POU6F1: variants seen among roughly 807,000 people sequenced by gnomAD.
POU6F1 encodes the protein POU class 6 homeobox 1, also known as POU domain, class 6, transcription factor 1.
Under a neutral mutation model 28.9 loss-of-function variants are expected in POU6F1, and 9 were observed. That is an observed-to-expected ratio of 0.31 (90% CI 0.19 to 0.54). The LOEUF is 0.54. Among genes scored for constraint, POU6F1 ranks in the 20% least tolerant of loss-of-function variants. The pLI is 0.94. For missense variants in POU6F1, 338 were observed against 426.1 expected (o/e 0.79, Z 1.82); for synonymous variants, 173 against 171.1 (o/e 1.01, Z -0.09).
At chr12:51,201,263 C>T (rs972187561) in intron 3 of POU6F1, among the ~76,000 whole-genome samples, 3 of 152,230 alleles carry the variant, frequency 2.0e-5, no homozygotes, top group African/African-American at 7.2e-5. Flanking sequence ...TAATAAAACC[C>T]AGGTAGTTTA....
At chr12:51,194,033 AT>A (rs1335255078) in intron 8 of POU6F1, among the ~76,000 whole-genome samples, 36 of 147,598 alleles carry the variant, frequency 2.4e-4, no homozygotes, top group Admixed American at 4.0e-4. Context: ...AATAACGGGG[AT>A]TTTTTTTTTT....
chr12:51,195,996 T>G lies in POU6F1; in HGVS notation c.1153A>C (p.Thr385Pro). ...PPPVAVRKPS[T>P]PESPAKSEVQ... ...TCACTCTTAGCAGGGGACTCAGGTGTGCTTGGCTTCCGGACAGCCACAGGT... is the reference window on the plus strand; with the variant it reads ...TCACTCTTAGCAGGGGACTCAGGTGGGCTTGGCTTCCGGACAGCCACAGGT... Residue 385 changes from threonine (T) to proline (P), a missense_variant, in exon 8 of 11, where the codon ACA becomes CCA. Coordinates refer to ENST00000333640, the MANE Select transcript of POU6F1 (RefSeq NM_001330422.2). The G allele has an allele frequency of 7.4e-7, 1 of 1,342,628 alleles. No homozygotes were observed. Among genetic ancestry groups the G allele is most frequent in the Non-Finnish European group, 9.8e-7 (1 of 1,015,876 alleles). The allele number at this position is 1,342,628 out of a possible 1,614,324, so 83.2% of individuals were successfully genotyped here.
At position 51,206,870 on chromosome 12, in the gene POU6F1, A is replaced by C; in HGVS notation, c.-34T>G. The stretch of plus-strand genomic sequence containing the variant: ...GTCAGGGTCGGGTGGGGGCCGGCCC[A>C]CACCTAGCACATCCTGGGTAAGATG... On this transcript the variant is annotated 5_prime_UTR_variant, in exon 2 of 11. Transcript: ENST00000333640. 1 of 398,672 alleles carries C rather than the reference A, an allele frequency of 2.5e-6. No individual in the cohort carries two copies. 24.7% of individuals were successfully genotyped at this position (398,672 alleles called of 1,614,324 possible).
At chr12:51,191,241 G>C (rs895282846) in intron 10 of POU6F1, among the ~76,000 whole-genome samples, 2 of 152,180 alleles carry the variant, frequency 1.3e-5, no homozygotes, top group African/African-American at 4.8e-5. Context: ...AGGTATGGTG[G>C]GTTACAGTTA....
In POU6F1 at chr12:51,217,875, C is replaced by G. The variant is rs1278130751; in HGVS notation, c.-281G>C. 6.6e-6 allele frequency among the ~76,000 whole-genome samples: 1 copy of G among 151,810 alleles called. No individual in the cohort carries two copies. Among genetic ancestry groups the G allele is most frequent in the Admixed American group, 6.6e-5 (1 of 15,252 alleles). ...GGCTGGGCAGAGCCGAAGGGGGCTC[C>G]GCAGGCTAAGCCGGGCGGAGAGGGG... On this transcript the variant is annotated 5_prime_UTR_variant, in exon 1 of 11. Transcript: ENST00000333640. This position sits in a 1 kb window ranked among gnomAD's most constrained non-coding sequence, Gnocchi z 5.3.
At chr12:51,208,045 G>A (rs961792066) in intron 1 of POU6F1, among the ~76,000 whole-genome samples, 3 of 151,970 alleles carry the variant, frequency 2.0e-5, no homozygotes, top group African/African-American at 7.3e-5. Flanking sequence ...GGCCAAGGCA[G>A]GAGGATCACC....
At chr12:51,198,979 C>T (rs968324625) in intron 4 of POU6F1, among the ~76,000 whole-genome samples, 9 of 152,180 alleles carry the variant, frequency 5.9e-5, no homozygotes, top group African/African-American at 2.4e-5. Flanking sequence ...ACTATCCTGC[C>T]TTCAGAGAAG....
At chr12:51,210,886 A>G (rs1236808771) in intron 1 of POU6F1, among the ~76,000 whole-genome samples, 2 of 152,168 alleles carry the variant, frequency 1.3e-5, no homozygotes, top group Non-Finnish European at 2.9e-5. Context: ...CCTATTACAC[A>G]TGTATGTGAT....
chr12:51,204,400 T>C (rs973636035), intron 2 of POU6F1, 32 bp from the exon 3 acceptor site: 1 of 398,834 alleles, frequency 2.5e-6, no homozygotes, highest in Admixed American at 4.4e-5. Flanking sequence ...ACTGTTGGGA[T>C]AGGGGCCAGT....
At chr12:51,201,711 G>C (rs1402440343) in intron 3 of POU6F1, 12 of 152,080 alleles carry the variant, frequency 7.9e-5, no homozygotes, top group Admixed American at 7.9e-4. Context: ...CATTTTATTA[G>C]GGCATATTTA....
chr12:51,190,243 A>G lies in POU6F1; in HGVS notation c.*4T>C. ...TGCTAGAACACAGGGCCAGGGGCTGAGCCCTAAGGGATCTGAAAGACGTTC... is the reference window on the plus strand; with the variant it reads ...TGCTAGAACACAGGGCCAGGGGCTGGGCCCTAAGGGATCTGAAAGACGTTC... On this transcript the variant is annotated 3_prime_UTR_variant, in exon 11 of 11. Transcript: ENST00000333640. The surrounding 1 kb of genome is among the most constrained non-coding windows in gnomAD (Gnocchi z 4.5). 6.2e-7 allele frequency: 1 copy of G among 1,613,642 alleles called. No individual in the cohort carries two copies. Among genetic ancestry groups the G allele is most frequent in the Non-Finnish European group, 8.5e-7 (1 of 1,179,698 alleles).
intron 1 of POU6F1, among the ~76,000 whole-genome samples, chr12:51,212,074 GTTTT>G (rs1379555089): frequency 0.013 from 1,443 of 110,844 alleles, 31 homozygotes; most frequent in African/African-American, 0.045. Context: ...TTTTTTTTTT[GTTTT>G]TTTTGTTTTG....
chr12:51,195,280 A>G (rs1942734709), intron 8 of POU6F1, among the ~76,000 whole-genome samples: 1 of 152,046 alleles, frequency 6.6e-6, no homozygotes, highest in African/African-American at 2.4e-5. Context: ...ACTACAGGTG[A>G]GCACCACTAC....
intron 8 of POU6F1, 38 bp from the exon 9 acceptor site, chr12:51,192,509 G>T: frequency 1.2e-6 from 2 of 1,601,982 alleles, no homozygotes; most frequent in Non-Finnish European, 8.5e-7. Context: ...GCTGCCCTCT[G>T]CCAGGCTCAG....
At position 51,217,274 on chromosome 12, in the gene POU6F1, T is replaced by A. The variant is rs1944334486; in HGVS notation, c.-48+368A>T. On this transcript the variant is annotated intron_variant, in intron 1 of 10. Coordinates refer to ENST00000333640, the MANE Select transcript of POU6F1 (RefSeq NM_001330422.2). This position sits in a 1 kb window ranked among gnomAD's most constrained non-coding sequence, Gnocchi z 5.3. ...CTGGTTCTGTGTACAGAGCGTCCCC[T>A]GTGGTCCGCACCCCACAAGGGCTCC... Among the ~76,000 whole-genome samples the A allele has an allele frequency of 6.6e-6, 1 of 152,160 alleles. No homozygotes were observed. The highest frequency in any genetic ancestry group is 1.5e-5 in the Non-Finnish European group (1 of 68,002).
chr12:51,207,038 T>A, intron 1 of POU6F1, 155 bp from the exon 2 acceptor site: 1 of 373,236 alleles, frequency 2.7e-6, no homozygotes, highest in Non-Finnish European at 4.7e-6. Flanking sequence ...AGGATTCTTT[T>A]TTTTTGAGAC....
intron 1 of POU6F1, among the ~76,000 whole-genome samples, chr12:51,216,750 G>A (rs1408847536): frequency 6.6e-6 from 1 of 152,198 alleles, no homozygotes; most frequent in Non-Finnish European, 1.5e-5. Flanking sequence ...AGGAATTTGG[G>A]AAGGGCAGAT....
Position 51,189,955 on chromosome 12 carries a change from C to A in POU6F1, c.*292G>T, listed in dbSNP as rs12321105. Reference sequence around the variant, plus strand: ...TTCTGGTTCCCCACCAGAATTCACCCTTCAGAAACCATGCTAGCAAGGTGC... The same window carrying A: ...TTCTGGTTCCCCACCAGAATTCACCATTCAGAAACCATGCTAGCAAGGTGC... On this transcript the variant is annotated 3_prime_UTR_variant, in exon 11 of 11. Coordinates refer to ENST00000333640, the MANE Select transcript of POU6F1 (RefSeq NM_001330422.2). The A allele has an allele frequency of 0.016, 6,554 of 420,164 alleles. 363 individuals carry two copies. Among genetic ancestry groups the A allele is most frequent in the African/African-American group, 0.12 (6,176 of 50,148 alleles). The allele number at this position is 420,164 out of a possible 1,614,324, so 26.0% of individuals were successfully genotyped here. A position where few individuals can be genotyped will look rare whatever the true frequency, so the allele number is the denominator to read the frequency against.
chr12:51,214,145 A>T (rs1009863344), intron 1 of POU6F1, among the ~76,000 whole-genome samples: 2 of 151,920 alleles, frequency 1.3e-5, no homozygotes, highest in South Asian at 2.1e-4. Flanking sequence ...CTATGTCAAA[A>T]AAATAAATAA....
Sources: allele counts gnomAD v4.1 joint callset (sites outside exome capture counted in the v4.1 genomes callset), GRCh38; gene constraint gnomAD v4.1.1; non-coding constraint Gnocchi (gnomAD v3.1); transcripts MANE v1.5; gene names NCBI Gene and HGNC (gene_info 2026-07-23, HGNC 2026-07-21).